The following SUPT3H variants were observed in gnomAD, a reference collection of about 807,000 sequenced individuals.
SUPT3H encodes transcription initiation protein SPT3 homolog.
Under a neutral mutation model 44.3 loss-of-function variants are expected in SUPT3H, and 44 were observed. That is an observed-to-expected ratio of 0.99 (90% CI 0.78 to 1.28). The LOEUF (loss-of-function observed/expected upper bound fraction) is 1.28, where lower values mean the gene tolerates loss of function less well. SUPT3H is among the 50% of genes most tolerant of loss of function. The pLI is 0.00. For missense variants in SUPT3H, 380 were observed against 387.1 expected, an observed-to-expected ratio of 0.98 and a Z score of 0.15; for synonymous variants, 124 against 125.6, an observed-to-expected ratio of 0.99 and a Z score of 0.09.
intron 2 of SUPT3H, chr6:45,321,903 A>G (rs1025077167): frequency 1.3e-5 from 19 of 1,450,456 alleles, no homozygotes; most frequent in Non-Finnish European, 1.7e-5. Flanking sequence ...TAGAAAAAAA[A>G]TTGTAATCTC....
intron 2 of SUPT3H, among the ~76,000 whole-genome samples, chr6:45,151,023 C>A (rs1427220746): frequency 1.3e-5 from 2 of 152,142 alleles, no homozygotes; most frequent in Middle Eastern, 3.4e-3. Flanking sequence ...ACCCAGCCAT[C>A]TTTATACTGC....
intron 11 of SUPT3H, among the ~76,000 whole-genome samples, chr6:44,812,550 C>A (rs1766603766): frequency 6.6e-6 from 1 of 152,090 alleles, no homozygotes; most frequent in East Asian, 1.9e-4. Flanking sequence ...CCATCTGCAA[C>A]CTTATTTCCC....
At chr6:44,923,743 C>T (rs1769090122) in intron 10 of SUPT3H, among the ~76,000 whole-genome samples, 1 of 151,812 alleles carries the variant, frequency 6.6e-6, no homozygotes, top group Admixed American at 6.6e-5. Context: ...GTACTGGCTG[C>T]CCCAAGGTAA....
At chr6:45,137,416 G>A (rs952965400) in intron 2 of SUPT3H, among the ~76,000 whole-genome samples, 3 of 151,800 alleles carry the variant, frequency 2.0e-5, no homozygotes, top group African/African-American at 7.3e-5. Flanking sequence ...TTCTTTTAAA[G>A]ACATATTATA....
At chr6:44,905,282 G>A (rs936672948) in intron 10 of SUPT3H, among the ~76,000 whole-genome samples, 2 of 152,090 alleles carry the variant, frequency 1.3e-5, no homozygotes, top group African/African-American at 4.8e-5. Flanking sequence ...CTGACAAAAG[G>A]CTAATATCCA....
intron 2 of SUPT3H, chr6:45,328,614 C>T: frequency 6.2e-7 from 1 of 1,607,874 alleles, no homozygotes; most frequent in Non-Finnish European, 8.5e-7. Flanking sequence ...GTACTCCAGG[C>T]ATACTGTAAA....
chr6:44,835,431 A>G (rs1318979171), intron 10 of SUPT3H, among the ~76,000 whole-genome samples: 2 of 151,420 alleles, frequency 1.3e-5, no homozygotes, highest in East Asian at 3.9e-4. Flanking sequence ...CAAATTCTTC[A>G]CATCTTGGGA....
intron 3 of SUPT3H, among the ~76,000 whole-genome samples, chr6:45,036,057 T>C (rs1191290592): frequency 6.6e-6 from 1 of 152,172 alleles, no homozygotes; most frequent in African/African-American, 2.4e-5. Context: ...ACTATTCATA[T>C]TGAAAATCCA....
At chr6:45,102,670 G>C (rs987158011) in intron 3 of SUPT3H, among the ~76,000 whole-genome samples, 3 of 152,142 alleles carry the variant, frequency 2.0e-5, no homozygotes, top group Non-Finnish European at 4.4e-5. Flanking sequence ...GACCGGGTGT[G>C]GTGGCTTATG....
chr6:44,950,233 T>C (rs544518724), intron 9 of SUPT3H, among the ~76,000 whole-genome samples: 3 of 152,308 alleles, frequency 2.0e-5, no homozygotes, highest in Non-Finnish European at 2.9e-5. Context: ...CCTTTCCCAT[T>C]ACTCTCCTTT....
intron 2 of SUPT3H, among the ~76,000 whole-genome samples, chr6:45,142,454 T>C: frequency 6.6e-6 from 1 of 151,970 alleles, no homozygotes; most frequent in East Asian, 1.9e-4. Context: ...ATATGCAGAA[T>C]TGCCAGGAGC....
Position 45,282,295 on chromosome 6 carries a change from A to G in SUPT3H, c.101+82906T>C, listed in dbSNP as rs540806871. ...TCAGACAATCAAACTAATCCGAGCT[A>G]AAGGAGGTTCGAACGCTTCGCAAAG... On this transcript the variant is annotated intron_variant, in intron 2 of 10. Transcript: ENST00000371459. Among the ~76,000 whole-genome samples, 3 of 150,948 alleles carry G rather than the reference A, an allele frequency of 2.0e-5. No individual in the cohort carries two copies. The East Asian group carries it at 5.9e-4, about 30-fold the overall frequency.
At chr6:44,823,807 C>A (rs1767532220), downstream of SUPT3H, among the ~76,000 whole-genome samples, 1 of 151,830 alleles carries the variant, frequency 6.6e-6, no homozygotes, top group Non-Finnish European at 1.5e-5. Context: ...ACTAAAAATA[C>A]AAAAAATTAG....
intron 10 of SUPT3H, among the ~76,000 whole-genome samples, chr6:44,883,338 A>C (rs1778572627): frequency 6.6e-6 from 1 of 152,204 alleles, no homozygotes; most frequent in Non-Finnish European, 1.5e-5. Flanking sequence ...GGACCTCCTA[A>C]AGGAGAACTA....
chr6:44,850,098 A>G (rs1259445207), intron 10 of SUPT3H, among the ~76,000 whole-genome samples: 4 of 152,232 alleles, frequency 2.6e-5, no homozygotes, highest in Non-Finnish European at 4.4e-5. Flanking sequence ...AATCTGTGAA[A>G]CAAAATGCTA....
chr6:45,190,759 A>G (rs748624190), intron 2 of SUPT3H, among the ~76,000 whole-genome samples: 3 of 152,138 alleles, frequency 2.0e-5, no homozygotes, highest in Non-Finnish European at 4.4e-5. Flanking sequence ...TAAGAATCTC[A>G]AACATGGGCC....
chr6:44,897,849 A>AG (rs1213311605), intron 10 of SUPT3H, among the ~76,000 whole-genome samples: 9 of 152,136 alleles, frequency 5.9e-5, no homozygotes, highest in Non-Finnish European at 4.4e-5. Context: ...TTCTTCACTG[A>AG]GCCCTAGGCC....
At chr6:45,108,131 C>T (rs1249542676) in intron 2 of SUPT3H, among the ~76,000 whole-genome samples, 1 of 152,188 alleles carries the variant, frequency 6.6e-6, no homozygotes, top group Non-Finnish European at 1.5e-5. Context: ...AATTTTGTCA[C>T]TTCTATTCAA....
intron 2 of SUPT3H, among the ~76,000 whole-genome samples, chr6:45,121,183 G>A (rs1801607236): frequency 6.6e-6 from 1 of 152,040 alleles, no homozygotes; most frequent in Non-Finnish European, 1.5e-5. Flanking sequence ...CCACAACCAG[G>A]ATCTCTGATT....
Sources: allele counts gnomAD v4.1 joint callset (sites outside exome capture counted in the v4.1 genomes callset), GRCh38; gene constraint gnomAD v4.1.1; transcripts MANE v1.5; gene names NCBI Gene and HGNC (gene_info 2026-07-23, HGNC 2026-07-21).